Variants in TMCC1 observed in about 807,000 individuals in gnomAD.
The protein encoded by TMCC1 is transmembrane and coiled-coil domain family 1.
A neutral mutation model predicts 52.4 loss-of-function variants in TMCC1; 15 were observed. That is an observed-to-expected ratio of 0.29 (90% CI 0.19 to 0.44). The LOEUF (loss-of-function observed/expected upper bound fraction) is 0.44, where lower values mean the gene tolerates loss of function less well. TMCC1 is among the 20% of genes least tolerant of loss of function. TMCC1 has a pLI of 1.00. For synonymous variants in TMCC1, 279 were observed against 301.9 expected, an observed-to-expected ratio of 0.92 and a Z score of 0.79; for missense variants, 503 against 806.0, an observed-to-expected ratio of 0.62 and a Z score of 4.55.
At chr3:129,800,632 T>G (rs1477836176) in intron 4 of TMCC1, among the ~76,000 whole-genome samples, 1 of 138,822 alleles carries the variant, frequency 7.2e-6, no homozygotes, top group Non-Finnish European at 1.6e-5. Context: ...AAGTTCCTTC[T>G]GTCGCTTTTC....
chr3:129,785,801 T>C (rs570794942), intron 4 of TMCC1, among the ~76,000 whole-genome samples: 2 of 152,230 alleles, frequency 1.3e-5, no homozygotes, highest in Non-Finnish European at 2.9e-5. Flanking sequence ...TTTACCCCTC[T>C]ATTCCCTCCA....
At chr3:129,721,085 C>T (rs2049545501) in intron 4 of TMCC1, among the ~76,000 whole-genome samples, 1 of 152,114 alleles carries the variant, frequency 6.6e-6, no homozygotes, top group African/African-American at 2.4e-5. Context: ...TGCCACTCTT[C>T]CCTCTCTTAA....
intron 4 of TMCC1, among the ~76,000 whole-genome samples, chr3:129,710,128 G>A (rs1392804773): frequency 1.3e-5 from 2 of 152,144 alleles, no homozygotes; most frequent in Non-Finnish European, 2.9e-5. Context: ...GGAGGTTGTG[G>A]TGGGCTGAGA....
At chr3:129,672,982 T>A (rs563932227) in intron 4 of TMCC1, among the ~76,000 whole-genome samples, 1 of 152,156 alleles carries the variant, frequency 6.6e-6, no homozygotes, top group African/African-American at 2.4e-5. Flanking sequence ...TATATTACCA[T>A]TGATGTGAAT....
chr3:129,651,379 T>A lies in TMCC1; in HGVS notation c.*102A>T. ...CTAAATGTAAACAGATTCACTCAAC[T>A]CTTTTTTTGTTGTAGAAAACTTCAG... On this transcript the variant is annotated 3_prime_UTR_variant, in exon 7 of 7. Transcript: ENST00000393238. This position sits in a 1 kb window ranked among gnomAD's most constrained non-coding sequence, Gnocchi z 5.1. 1 of 1,250,006 alleles carries A rather than the reference T, an allele frequency of 8.0e-7. No homozygotes were observed. Among genetic ancestry groups the A allele is most frequent in the Non-Finnish European group, 1.1e-6 (1 of 898,816 alleles). 77.4% of individuals were successfully genotyped at this position (1,250,006 alleles called of 1,614,324 possible).
intron 4 of TMCC1, among the ~76,000 whole-genome samples, chr3:129,700,101 T>A (rs1197882166): frequency 1.3e-5 from 2 of 152,102 alleles, no homozygotes; most frequent in Non-Finnish European, 2.9e-5. Context: ...TATGGTCGGG[T>A]ACTGTGGCTC....
intron 4 of TMCC1, among the ~76,000 whole-genome samples, chr3:129,781,343 T>G (rs887914214): frequency 6.6e-6 from 1 of 152,156 alleles, no homozygotes; most frequent in African/African-American, 2.4e-5. Flanking sequence ...CATTTCTAGG[T>G]TCTAGGAATA....
chr3:129,881,142 G>A (rs547521878), intron 1 of TMCC1, among the ~76,000 whole-genome samples: 78 of 152,240 alleles, frequency 5.1e-4, no homozygotes, highest in African/African-American at 1.7e-3. Flanking sequence ...GATTACAGGT[G>A]TGAGCCACCT....
At chr3:129,674,192 A>C (rs2088204013) in intron 4 of TMCC1, among the ~76,000 whole-genome samples, 1 of 152,340 alleles carries the variant, frequency 6.6e-6, no homozygotes, top group African/African-American at 2.4e-5. Context: ...ACAAGTGATC[A>C]CATTTTAGAT....
chr3:129,786,443 C>G (rs923853898), intron 4 of TMCC1, among the ~76,000 whole-genome samples: 2 of 152,126 alleles, frequency 1.3e-5, no homozygotes, highest in African/African-American at 4.8e-5. Context: ...ACCAAATGAT[C>G]TCTACTTTGA....
chr3:129,798,709 C>T (rs1416341046), intron 4 of TMCC1, among the ~76,000 whole-genome samples: 1 of 152,128 alleles, frequency 6.6e-6, no homozygotes, highest in Non-Finnish European at 1.5e-5. Flanking sequence ...TTCTAAATTG[C>T]ACAGACTTGT....
intron 4 of TMCC1, among the ~76,000 whole-genome samples, chr3:129,710,456 C>CTCATGAGAAGTTGGAATTCTATCATT (rs2048590385): frequency 6.6e-6 from 1 of 152,080 alleles, no homozygotes; most frequent in South Asian, 2.1e-4. Context: ...AGCAAGTGTG[C>CTCATGAGAAGTTGGAATTCTATCATT]CCAGCTATCA....
At chr3:129,714,184 C>T (rs1401116355) in intron 4 of TMCC1, among the ~76,000 whole-genome samples, 1 of 152,158 alleles carries the variant, frequency 6.6e-6, no homozygotes, top group African/African-American at 2.4e-5. Flanking sequence ...AAAACAAATT[C>T]TTTCCATTTT....
At chr3:129,685,687 GA>G (rs1237706531) in intron 4 of TMCC1, among the ~76,000 whole-genome samples, 1 of 152,166 alleles carries the variant, frequency 6.6e-6, no homozygotes, top group Non-Finnish European at 1.5e-5. Context: ...TTATGCCAAG[GA>G]TATCACTAAA....
chr3:129,847,763 G>A (rs923231652), intron 2 of TMCC1: 2 of 152,208 alleles, frequency 1.3e-5, no homozygotes, highest in Admixed American at 6.5e-5. Flanking sequence ...GTCTTCCAAA[G>A]TAGTTGATCC....
At chr3:129,881,548 G>A (rs534586823) in intron 1 of TMCC1, among the ~76,000 whole-genome samples, 7 of 152,210 alleles carry the variant, frequency 4.6e-5, no homozygotes, top group South Asian at 4.1e-4. Flanking sequence ...AAGTTGACAT[G>A]AAAACAAAGG....
chr3:129,681,905 CAAAA>C (rs1332029665), intron 4 of TMCC1, among the ~76,000 whole-genome samples: 1 of 70,384 alleles, frequency 1.4e-5, no homozygotes, highest in African/African-American at 5.2e-5. Context: ...GACTTCGTCT[CAAAA>C]AAAAAAAAAA....
chr3:129,829,451 G>A (rs2058805061), intron 3 of TMCC1, among the ~76,000 whole-genome samples: 1 of 6,478 alleles, frequency 1.5e-4, no homozygotes. Context: ...AAAATCACAT[G>A]CAAAAAAAAA....
intron 4 of TMCC1, among the ~76,000 whole-genome samples, chr3:129,798,294 C>T (rs920969580): frequency 1.3e-5 from 2 of 152,072 alleles, no homozygotes; most frequent in Non-Finnish European, 2.9e-5. Context: ...CATGCCCAGC[C>T]GCCTTTCTGG....
Sources: allele counts gnomAD v4.1 joint callset (sites outside exome capture counted in the v4.1 genomes callset), GRCh38; gene constraint gnomAD v4.1.1; non-coding constraint Gnocchi (gnomAD v3.1); transcripts MANE v1.5; gene names NCBI Gene and HGNC (gene_info 2026-07-23, HGNC 2026-07-21).